MACROD2: variants seen among roughly 807,000 people sequenced by gnomAD.
MACROD2 encodes ADP-ribose glycohydrolase MACROD2.
A neutral mutation model predicts 70.4 loss-of-function variants in MACROD2; 36 were observed. The observed-to-expected ratio is 0.51, with a 90% confidence interval of 0.39 to 0.68. The LOEUF (loss-of-function observed/expected upper bound fraction) is 0.68. MACROD2 is among the 30% of genes least tolerant of loss of function. MACROD2 has a pLI of 0.00. For missense variants in MACROD2, 496 were observed against 538.4 expected, an observed-to-expected ratio of 0.92 and a Z score of 0.78; for synonymous variants, 172 against 178.8, an observed-to-expected ratio of 0.96 and a Z score of 0.30.
At chr20:14,321,377 C>G (rs538010071) in intron 3 of MACROD2, among the ~76,000 whole-genome samples, 1 of 151,752 alleles carries the variant, frequency 6.6e-6, no homozygotes, top group South Asian at 2.1e-4. Context: ...AAAAAAAAAG[C>G]CAGTCAGTAA....
At chr20:15,996,956 A>T (rs900708642) in intron 15 of MACROD2, among the ~76,000 whole-genome samples, 1 of 152,158 alleles carries the variant, frequency 6.6e-6, no homozygotes, top group Non-Finnish European at 1.5e-5. Flanking sequence ...TATGAAAGAG[A>T]CTATCCTTTC....
intron 8 of MACROD2, among the ~76,000 whole-genome samples, chr20:15,801,430 CT>C: frequency 6.6e-6 from 1 of 150,764 alleles, no homozygotes; most frequent in East Asian, 2.0e-4. Context: ...GGTCCTGAAA[CT>C]AAGGCAGCTG....
At chr20:14,044,078 C>T (rs864689) in intron 2 of MACROD2, among the ~76,000 whole-genome samples, 2,971 of 152,274 alleles carry the variant, frequency 0.02, 98 homozygotes, top group African/African-American at 0.067. Flanking sequence ...CAGACCCTCG[C>T]GGTGAGTGTT....
chr20:15,871,304 C>T (rs182253121), intron 9 of MACROD2, among the ~76,000 whole-genome samples: 122 of 152,080 alleles, frequency 8.0e-4, no homozygotes, highest in Admixed American at 7.4e-3. Flanking sequence ...TCCTGGATTT[C>T]ACTTTTAAAA....
chr20:14,075,270 A>G (rs1195209864), intron 2 of MACROD2, among the ~76,000 whole-genome samples: 2 of 152,240 alleles, frequency 1.3e-5, no homozygotes, highest in Non-Finnish European at 1.5e-5. Context: ...TCGCATCTCA[A>G]TCTGCAAAAT....
At chr20:14,743,031 G>T (rs1484571970) in intron 5 of MACROD2, among the ~76,000 whole-genome samples, 2 of 152,080 alleles carry the variant, frequency 1.3e-5, no homozygotes, top group African/African-American at 2.4e-5. Context: ...CTCCCAAATT[G>T]CTGGGATTAC....
intron 12 of MACROD2, among the ~76,000 whole-genome samples, chr20:15,963,322 T>G (rs1426069677): frequency 6.6e-6 from 1 of 152,212 alleles, no homozygotes; most frequent in Non-Finnish European, 1.5e-5. Context: ...CAAAATGACC[T>G]GCTGTCATCA....
At chr20:15,379,995 T>G (rs369073560) in intron 6 of MACROD2, among the ~76,000 whole-genome samples, 24 of 126,482 alleles carry the variant, frequency 1.9e-4, no homozygotes, top group African/African-American at 8.9e-4. Context: ...AAACAGATCT[T>G]GGGTCTCTTG....
At chr20:14,968,822 G>C (rs2074662675) in intron 5 of MACROD2, among the ~76,000 whole-genome samples, 1 of 152,208 alleles carries the variant, frequency 6.6e-6, no homozygotes, top group Admixed American at 6.5e-5. Context: ...ATTCTCATCT[G>C]TTGCTGTCTC....
intron 5 of MACROD2, among the ~76,000 whole-genome samples, chr20:14,904,397 C>A (rs541272014): frequency 6.6e-6 from 1 of 152,238 alleles, no homozygotes; most frequent in East Asian, 1.9e-4. Flanking sequence ...AAAGATGTGA[C>A]ATGTCTTTGA....
intron 8 of MACROD2, among the ~76,000 whole-genome samples, chr20:15,620,573 C>A (rs746515214): frequency 3.9e-5 from 6 of 152,140 alleles, no homozygotes; most frequent in Non-Finnish European, 5.9e-5. Flanking sequence ...GCAATGACTG[C>A]TGCTTATTAT....
chr20:14,618,119 T>TA (rs1265798277), intron 4 of MACROD2, among the ~76,000 whole-genome samples: 1 of 151,408 alleles, frequency 6.6e-6, no homozygotes, highest in Non-Finnish European at 1.5e-5. Context: ...ATGAATTTTT[T>TA]TTTCATCAAT....
At chr20:15,011,160 T>G (rs1296969302) in intron 5 of MACROD2, among the ~76,000 whole-genome samples, 1 of 152,204 alleles carries the variant, frequency 6.6e-6, no homozygotes, top group African/African-American at 2.4e-5. Context: ...TCCATAGACC[T>G]CCTGACTCTT....
At chr20:15,819,929 A>G (rs1228972416) in intron 8 of MACROD2, among the ~76,000 whole-genome samples, 1 of 152,202 alleles carries the variant, frequency 6.6e-6, no homozygotes, top group Admixed American at 6.5e-5. Context: ...TCACCCCAAT[A>G]AAAAAGAACT....
At chr20:14,819,985 A>G (rs2072822345) in intron 5 of MACROD2, among the ~76,000 whole-genome samples, 1 of 151,272 alleles carries the variant, frequency 6.6e-6, no homozygotes, top group South Asian at 2.1e-4. Context: ...CAGATTGAAG[A>G]GGAATATACC....
At chr20:14,508,469 T>C (rs2084993493) in intron 4 of MACROD2, among the ~76,000 whole-genome samples, 1 of 151,994 alleles carries the variant, frequency 6.6e-6, no homozygotes, top group Non-Finnish European at 1.5e-5. Flanking sequence ...TTTAGAAAAA[T>C]CACTGAACAA....
intron 8 of MACROD2, among the ~76,000 whole-genome samples, chr20:15,723,760 TG>T (rs1210318317): frequency 2.0e-5 from 3 of 152,296 alleles, no homozygotes; most frequent in African/African-American, 7.2e-5. Context: ...CTCTTTGTGG[TG>T]GTTTTTGGAG....
chr20:16,024,403 A>T (rs898575320), intron 15 of MACROD2, among the ~76,000 whole-genome samples: 1 of 152,206 alleles, frequency 6.6e-6, no homozygotes, highest in Non-Finnish European at 1.5e-5. Flanking sequence ...AATGAAATAC[A>T]GTAGTAACAA....
At chr20:14,635,006 T>C (rs2123479731) in intron 4 of MACROD2, among the ~76,000 whole-genome samples, 1 of 152,248 alleles carries the variant, frequency 6.6e-6, no homozygotes, top group South Asian at 2.1e-4. Flanking sequence ...TAGTCCACAG[T>C]CCCCTGATGA....
Sources: gnomAD v4.1 joint callset for allele counts (sites outside exome capture counted in the v4.1 genomes callset) on GRCh38, gnomAD v4.1.1 for gene constraint, MANE v1.5 for transcripts, NCBI Gene and HGNC (gene_info 2026-07-23, HGNC 2026-07-21) for gene names.